The following INPP4B variants were observed in gnomAD, a reference collection of about 807,000 sequenced individuals.
The protein encoded by INPP4B is inositol polyphosphate 4-phosphatase type II.
In INPP4B, 55 loss-of-function variants were observed where a neutral mutation model predicts 122.5. The observed-to-expected ratio is 0.45, with a 90% CI of 0.36 to 0.56. The LOEUF (loss-of-function observed/expected upper bound fraction) is 0.56, where lower values mean the gene tolerates loss of function less well. Ranked by LOEUF, INPP4B falls within the 20% of genes least tolerant of loss-of-function variation. The probability of loss-of-function intolerance (pLI) is 0.00; values close to 1 mark genes in which losing one functional copy is unlikely to be tolerated. For synonymous variants in INPP4B, 403 were observed against 388.7 expected (o/e 1.04, Z -0.43); for missense variants, 1,000 against 1,097.7 (o/e 0.91, Z 1.26).
chr4:142,616,668 T>G (rs997383154), intron 2 of INPP4B, among the ~76,000 whole-genome samples: 2 of 152,176 alleles, frequency 1.3e-5, no homozygotes, highest in Admixed American at 1.3e-4. Flanking sequence ...TTATTCATAA[T>G]AGCAGTCATG....
chr4:142,521,036 A>G (rs1826007660), intron 2 of INPP4B, among the ~76,000 whole-genome samples: 1 of 151,898 alleles, frequency 6.6e-6, no homozygotes, highest in Non-Finnish European at 1.5e-5. Flanking sequence ...CTACACAATA[A>G]TTTCTCAGAA....
chr4:142,666,703 T>C (rs1756157686), intron 2 of INPP4B, among the ~76,000 whole-genome samples: 1 of 152,082 alleles, frequency 6.6e-6, no homozygotes, highest in African/African-American at 2.4e-5. Flanking sequence ...CACCTACTGT[T>C]TGTTAATGTC....
At position 142,221,937 on chromosome 4, in the gene INPP4B, C is replaced by A. The variant is rs559812430; in HGVS notation, c.837-12911G>T. 8.5e-5 allele frequency among the ~76,000 whole-genome samples: 13 copies of A among 152,154 alleles called. No homozygotes were observed. The East Asian group carries it at 2.5e-3, about 29-fold the overall frequency. ...AGGTCCTTTCCTTCTTAACCTGGTG[C>A]TTATCCACTATTTCTGTTCTTGTTT... On this transcript the variant is annotated intron_variant, in intron 12 of 25. Coordinates refer to ENST00000262992, the MANE Select transcript of INPP4B (RefSeq NM_001101669.3).
chr4:142,487,368 A>G (rs1389397126), intron 2 of INPP4B, among the ~76,000 whole-genome samples: 4 of 152,170 alleles, frequency 2.6e-5, no homozygotes, highest in Non-Finnish European at 5.9e-5. Flanking sequence ...GCATTATAGT[A>G]AAATTTGAAA....
At position 142,028,228 on chromosome 4, in the gene INPP4B, A is replaced by G. The variant is rs1737640501; in HGVS notation, c.*554T>C. On this transcript the variant is annotated 3_prime_UTR_variant, in exon 26 of 26. Transcript: ENST00000262992. ...GTCACACCTTGACTGGATGATAGAG[A>G]TCATTGTGGAACATACCTGCAAACT... The G allele has an allele frequency of 1.3e-5, 3 of 227,664 alleles. No homozygotes were observed. Among genetic ancestry groups the G allele is most frequent in the Non-Finnish European group, 2.6e-5 (3 of 114,648 alleles). The allele number at this position is 227,664 out of a possible 1,614,324, so 14.1% of individuals were successfully genotyped here.
chr4:142,039,475 T>C lies in INPP4B; in HGVS notation c.2643-10561A>G, dbSNP rs868374251. ...GAAGAAGCCAGGTACTAAGTAATAA[T>C]AATTTCAGAGGATGTCTAAACATTG... On this transcript the variant is annotated intron_variant, in intron 25 of 25. Coordinates refer to ENST00000262992, the MANE Select transcript of INPP4B (RefSeq NM_001101669.3). Among the ~76,000 whole-genome samples, 8 of 152,250 alleles carry C rather than the reference T, an allele frequency of 5.3e-5. No homozygotes were observed. The South Asian group carries it at 1.4e-3, about 28-fold the overall frequency.
intron 2 of INPP4B, among the ~76,000 whole-genome samples, chr4:142,601,354 A>G (rs1739863616): frequency 6.6e-6 from 1 of 152,122 alleles, no homozygotes; most frequent in Non-Finnish European, 1.5e-5. Flanking sequence ...ATATCAAGTA[A>G]TTTTCATAAC....
At chr4:142,408,259 G>GAAA (rs3076601) in intron 5 of INPP4B, among the ~76,000 whole-genome samples, 7 of 148,642 alleles carry the variant, frequency 4.7e-5, no homozygotes, top group Non-Finnish European at 3.0e-5. Context: ...CTGTTTTCAG[G>GAAA]AAAAAAAAAA....
intron 7 of INPP4B, among the ~76,000 whole-genome samples, chr4:142,383,148 C>G (rs1055449046): frequency 6.6e-6 from 1 of 151,826 alleles, no homozygotes; most frequent in African/African-American, 2.4e-5. Context: ...TTACTTGGTC[C>G]GAGTATAATT....
chr4:142,582,313 T>C (rs1735276515), intron 2 of INPP4B, among the ~76,000 whole-genome samples: 1 of 152,122 alleles, frequency 6.6e-6, no homozygotes, highest in Non-Finnish European at 1.5e-5. Context: ...CCTACATTTA[T>C]TAAAGCTGTC....
At position 142,029,162 on chromosome 4, in the gene INPP4B, C is replaced by T. The variant is rs987701583; in HGVS notation, c.2643-248G>A. 62 of 1,172,026 alleles carry T rather than the reference C, an allele frequency of 5.3e-5. No homozygotes were observed. The African/African-American group carries it at 8.5e-4, about 16-fold the overall frequency. 72.6% of individuals were successfully genotyped at this position (1,172,026 alleles called of 1,614,324 possible). On this transcript the variant is annotated intron_variant, in intron 25 of 25. Coordinates refer to ENST00000262992, the MANE Select transcript of INPP4B (RefSeq NM_001101669.3). Reference sequence around the variant, plus strand: ...CTTAACATTTAAAATTTAATAAACTCTTTAAATATAATTTGCTCCACAATA... The same window carrying T: ...CTTAACATTTAAAATTTAATAAACTTTTTAAATATAATTTGCTCCACAATA...
intron 25 of INPP4B, among the ~76,000 whole-genome samples, chr4:142,031,782 T>C (rs1248104476): frequency 6.6e-6 from 1 of 152,184 alleles, no homozygotes; most frequent in Non-Finnish European, 1.5e-5. Flanking sequence ...TTCAAATCCC[T>C]AATTGTTAAT....
chr4:142,382,621 AT>A lies in INPP4B; in HGVS notation c.372+20316del, dbSNP rs1794577885. On this transcript the variant is annotated intron_variant, in intron 7 of 25. Coordinates refer to ENST00000262992, the MANE Select transcript of INPP4B (RefSeq NM_001101669.3). ...ATATATATATTTATATATTATATATATACTATAAATATATACATTTATATAT... is the reference window on the plus strand; with the variant it reads ...ATATATATATTTATATATTATATATAACTATAAATATATACATTTATATAT... Among the ~76,000 whole-genome samples the A allele has an allele frequency of 2.6e-5, 3 of 116,802 alleles. 1 individual carries two copies. Among genetic ancestry groups the A allele is most frequent in the African/African-American group, 3.7e-5 (1 of 27,320 alleles). The allele number at this position is 116,802 out of a possible 152,430, so 76.6% of individuals were successfully genotyped here.
chr4:142,748,113 A>G (rs1161508284), intron 1 of INPP4B, among the ~76,000 whole-genome samples: 4 of 152,124 alleles, frequency 2.6e-5, no homozygotes, highest in South Asian at 2.1e-4. Context: ...AGATCTATAG[A>G]AAAAGCCCAA....
chr4:142,594,292 G>A (rs1738198362), intron 2 of INPP4B, among the ~76,000 whole-genome samples: 1 of 151,932 alleles, frequency 6.6e-6, no homozygotes, highest in Non-Finnish European at 1.5e-5. Context: ...GTTTACTGAG[G>A]CAAAGTAAAG....
chr4:142,226,302 A>ACTGTTG (rs906332000), intron 12 of INPP4B, among the ~76,000 whole-genome samples: 1 of 152,008 alleles, frequency 6.6e-6, no homozygotes, highest in Non-Finnish European at 1.5e-5. Context: ...TTCAACATAA[A>ACTGTTG]CTGTTGCTGT....
At chr4:142,770,871 C>G (rs1308031689) in intron 1 of INPP4B, among the ~76,000 whole-genome samples, 2 of 152,028 alleles carry the variant, frequency 1.3e-5, no homozygotes, top group African/African-American at 2.4e-5. Context: ...ATTCTTAACA[C>G]AAGAAAAGGA....
intron 23 of INPP4B, among the ~76,000 whole-genome samples, chr4:142,099,947 C>G (rs942408224): frequency 1.3e-5 from 2 of 152,074 alleles, no homozygotes; most frequent in African/African-American, 2.4e-5. Context: ...TAAATCCAAG[C>G]AAGTGGTTCT....
intron 1 of INPP4B, among the ~76,000 whole-genome samples, chr4:142,777,588 A>C (rs1774127114): frequency 6.6e-6 from 1 of 152,192 alleles, no homozygotes; most frequent in Non-Finnish European, 1.5e-5. Flanking sequence ...TGACCCACAG[A>C]AACTGTGAGG....
Sources: allele counts gnomAD v4.1 joint callset (sites outside exome capture counted in the v4.1 genomes callset), GRCh38; gene constraint gnomAD v4.1.1; transcripts MANE v1.5; gene names NCBI Gene and HGNC (gene_info 2026-07-23, HGNC 2026-07-21).